The following ZNF492 variants were observed in gnomAD, a reference collection of about 807,000 sequenced individuals.
The protein encoded by ZNF492 is zinc finger protein 492, also known as zinc finger protein 115 (Y20).
In ZNF492, 3 loss-of-function variants were observed where a neutral mutation model predicts 6.4. The observed-to-expected ratio is 0.47, with a 90% CI of 0.21 to 1.22. ZNF492 has a LOEUF of 1.22. Among genes scored for constraint, ZNF492 ranks in the 50% most tolerant of loss-of-function variants. The probability of loss-of-function intolerance (pLI) is 0.22; values close to 1 mark genes in which losing one functional copy is unlikely to be tolerated. For synonymous variants in ZNF492, 112 were observed against 205.3 expected, an observed-to-expected ratio of 0.55 and a Z score of 3.89; for missense variants, 356 against 612.5, an observed-to-expected ratio of 0.58 and a Z score of 4.42.
intron 3 of ZNF492, among the ~76,000 whole-genome samples, chr19:22,659,654 G>T (rs144069879): frequency 0.18 from 24,464 of 138,618 alleles, 2,753 homozygotes; most frequent in African/African-American, 0.34. Context: ...ATCTGAAGTG[G>T]TTTTTTTTTG....
At chr19:22,638,864 A>T (rs1423381284) in intron 1 of ZNF492, among the ~76,000 whole-genome samples, 3 of 151,682 alleles carry the variant, frequency 2.0e-5, no homozygotes, top group African/African-American at 7.3e-5. Context: ...TTTGTTTGAG[A>T]TGGAGTCTTG....
chr19:22,637,151 A>T (rs117696054), intron 1 of ZNF492, among the ~76,000 whole-genome samples: 4 of 147,486 alleles, frequency 2.7e-5, no homozygotes, highest in South Asian at 2.2e-4. Context: ...ATTTATTTTT[A>T]TTTTTTTAGT....
chr19:22,635,831 C>A (rs1054488602), intron 1 of ZNF492, among the ~76,000 whole-genome samples: 1 of 152,140 alleles, frequency 6.6e-6, no homozygotes, highest in African/African-American at 2.4e-5. Context: ...TGGAGTGTAG[C>A]CTCTCAAGTG....
intron 3 of ZNF492, among the ~76,000 whole-genome samples, chr19:22,659,676 T>G (rs1443600284): frequency 4.0e-5 from 6 of 149,204 alleles, no homozygotes; most frequent in South Asian, 4.3e-4. Flanking sequence ...TGTTTTTTTT[T>G]TTTTTTTGAG....
chr19:22,643,476 C>T (rs564756081), intron 1 of ZNF492, among the ~76,000 whole-genome samples: 6 of 152,274 alleles, frequency 3.9e-5, no homozygotes, highest in African/African-American at 1.4e-4. Context: ...CCTGCTTTCT[C>T]TAACTAATGC....
intron 1 of ZNF492, among the ~76,000 whole-genome samples, chr19:22,634,779 G>A (rs1034091373): frequency 1.1e-4 from 17 of 152,274 alleles, no homozygotes; most frequent in Admixed American, 7.9e-4. Flanking sequence ...CCACGGGAGG[G>A]TGGTCAGGGG....
At position 22,634,399 on chromosome 19, in the gene ZNF492, C is replaced by T. The variant is rs1258341919; in HGVS notation, c.-169C>T. ...CGTCCTCTGGTCCTAGAGGCCCATC[C>T]TCTGTGGCCCTGTGACCTGCAGGTA... On this transcript the variant is annotated 5_prime_UTR_variant, in exon 1 of 4. Coordinates refer to ENST00000456783, the MANE Select transcript of ZNF492 (RefSeq NM_020855.3). 9 of 1,303,552 alleles carry T rather than the reference C, an allele frequency of 6.9e-6. No individual in the cohort carries two copies. Among genetic ancestry groups the T allele is most frequent in the Non-Finnish European group, 8.7e-6 (8 of 916,838 alleles). 80.7% of individuals were successfully genotyped at this position (1,303,552 alleles called of 1,614,324 possible).
chr19:22,634,416 C>G lies in ZNF492; in HGVS notation c.-152C>G. ...GGCCCATCCTCTGTGGCCCTGTGAC[C>G]TGCAGGTATTGGGAGATCCACAGCT... On this transcript the variant is annotated 5_prime_UTR_variant, in exon 1 of 4. Coordinates refer to ENST00000456783, the MANE Select transcript of ZNF492 (RefSeq NM_020855.3). The G allele has an allele frequency of 1.5e-6, 2 of 1,364,730 alleles. No homozygotes were observed. Among genetic ancestry groups the G allele is most frequent in the East Asian group, 2.5e-5 (1 of 40,520 alleles). The allele number at this position is 1,364,730 out of a possible 1,614,324, so 84.5% of individuals were successfully genotyped here. A position where few individuals can be genotyped will look rare whatever the true frequency, so the allele number is the denominator to read the frequency against.
intron 1 of ZNF492, among the ~76,000 whole-genome samples, chr19:22,642,655 C>CT (rs1971840385): frequency 6.6e-6 from 1 of 152,064 alleles, no homozygotes; most frequent in Non-Finnish European, 1.5e-5. Context: ...TCCTAAAGTG[C>CT]TGGGAGTACA....
intron 2 of ZNF492, 59 bp downstream of exon 2, chr19:22,653,492 T>C (rs1035458795): frequency 7.0e-6 from 11 of 1,579,214 alleles, no homozygotes; most frequent in African/African-American, 4.2e-5. Flanking sequence ...ATTTCTCTTT[T>C]TTGTAGAATG....
At chr19:22,643,868 G>A (rs1971852446) in intron 1 of ZNF492, among the ~76,000 whole-genome samples, 1 of 152,134 alleles carries the variant, frequency 6.6e-6, no homozygotes, top group South Asian at 2.1e-4. Context: ...TGCACTAAAG[G>A]GTAGTCCTAG....
rs2145264397 is a variant in ZNF492, at chr19:22,664,203, T to C, written c.534T>C (p.Tyr178=). The change falls in exon 4 of 4, where the codon TAT becomes TAC. Residue 178 remains tyrosine, a synonymous_variant. Coordinates refer to ENST00000456783, the MANE Select transcript of ZNF492 (RefSeq NM_020855.3). ...AATGTAAAGAATGTGGGAAAGCCTA[T>C]AATGAGACCTCAAACCTTTCTACAC... The part of the protein sequence containing the change: ...PYKCKECGKA[Y]NETSNLSTHK... The C allele has an allele frequency of 1.9e-6, 3 of 1,613,166 alleles. No individual in the cohort carries two copies. Among genetic ancestry groups the C allele is most frequent in the East Asian group, 4.5e-5 (2 of 44,844 alleles).
At chr19:22,648,413 G>A (rs1312644180) in intron 1 of ZNF492, among the ~76,000 whole-genome samples, 3 of 152,214 alleles carry the variant, frequency 2.0e-5, no homozygotes, top group Non-Finnish European at 4.4e-5. Context: ...TGAGAAGAAT[G>A]TATATTCTGT....
At chr19:22,638,479 C>G (rs751010322) in intron 1 of ZNF492, among the ~76,000 whole-genome samples, 1 of 152,000 alleles carries the variant, frequency 6.6e-6, no homozygotes, top group Non-Finnish European at 1.5e-5. Flanking sequence ...GGATTTCTTT[C>G]CAGATTCCTG....
chr19:22,639,480 G>A (rs1232388827), intron 1 of ZNF492, among the ~76,000 whole-genome samples: 1 of 151,966 alleles, frequency 6.6e-6, no homozygotes, highest in Non-Finnish European at 1.5e-5. Flanking sequence ...GGAGGCCAAG[G>A]CGGGCAGATC....
In ZNF492 at chr19:22,650,794, G is replaced by T. The variant is rs116267346; in HGVS notation, c.-93-2513G>T. On this transcript the variant is annotated intron_variant, in intron 1 of 3. Transcript: ENST00000456783. ...CTCCAGCAGGGGAAAAGCATGGCCA[G>T]GAGCTATAGAGATGACTGCCGCCCT... Among the ~76,000 whole-genome samples the T allele has an allele frequency of 7.5e-3, 1,149 of 152,250 alleles. 15 individuals are homozygous for T. Among genetic ancestry groups the T allele is most frequent in the African/African-American group, 0.026 (1,088 of 41,520 alleles).
chr19:22,663,867 G>T lies in ZNF492; in HGVS notation c.198G>T (p.Val66=). Residue 66 remains valine, a synonymous_variant, in exon 4 of 4, where the codon GTG becomes GTT. Coordinates refer to ENST00000456783, the MANE Select transcript of ZNF492 (RefSeq NM_020855.3). The part of the protein sequence containing the change: ...KQGKKNYFQK[V]ILRRYKKCGC... ...GCAAAAAAAATTATTTCCAAAAAGT[G>T]ATACTGAGAAGATATAAAAAATGTG... 1.3e-6 allele frequency: 2 copies of T among 1,570,844 alleles called. No homozygotes were observed. The highest frequency in any genetic ancestry group is 1.4e-5 in the African/African-American group (1 of 71,162).
In ZNF492 at chr19:22,653,362, G is replaced by A. The variant is rs4435388; in HGVS notation, c.-38G>A. On this transcript the variant is annotated 5_prime_UTR_variant, in exon 2 of 4. The change abolishes an upstream ATG in the 5' untranslated region. Coordinates refer to ENST00000456783, the MANE Select transcript of ZNF492 (RefSeq NM_020855.3). Reference sequence around the variant, plus strand: ...GAATTCTCTCTGGAGGAGTGGCAATGCCTGGACACCGCACAGCAGAATTTA... The same window carrying A: ...GAATTCTCTCTGGAGGAGTGGCAATACCTGGACACCGCACAGCAGAATTTA... 24,400 of 1,612,718 alleles carry A rather than the reference G, an allele frequency of 0.015. 2,718 individuals carry two copies. The African/African-American group carries it at 0.27, about 18-fold the overall frequency.
chr19:22,657,444 T>G (rs1292520619), intron 3 of ZNF492, among the ~76,000 whole-genome samples: 2 of 152,134 alleles, frequency 1.3e-5, no homozygotes, highest in Non-Finnish European at 2.9e-5. Flanking sequence ...CTTAAAATGC[T>G]TATTTATCAG....
Sources: gnomAD v4.1 joint callset for allele counts (sites outside exome capture counted in the v4.1 genomes callset) on GRCh38, gnomAD v4.1.1 for gene constraint, MANE v1.5 for transcripts, NCBI Gene and HGNC (gene_info 2026-07-23, HGNC 2026-07-21) for gene names.